GALNTL6: variants seen among roughly 807,000 people sequenced by gnomAD.
GALNTL6 encodes the protein polypeptide N-acetylgalactosaminyltransferase like 6, also known as polypeptide N-acetylgalactosaminyltransferase-like 6.
GALNTL6 carries 46 observed loss-of-function variants against 73.7 expected under a neutral mutation model. That is an observed-to-expected ratio of 0.62 (90% CI 0.49 to 0.80). The LOEUF (loss-of-function observed/expected upper bound fraction) is 0.80. Among genes scored for constraint, GALNTL6 ranks in the 30% least tolerant of loss-of-function variants. GALNTL6 has a pLI of 0.00. For synonymous variants in GALNTL6, 259 were observed against 263.7 expected (o/e 0.98, Z 0.17); for missense variants, 604 against 755.0 (o/e 0.80, Z 2.34).
At chr4:172,595,037 T>TGAG (rs1737799462) in intron 5 of GALNTL6, among the ~76,000 whole-genome samples, 2 of 152,290 alleles carry the variant, frequency 1.3e-5, no homozygotes, top group African/African-American at 4.8e-5. Context: ...TATCCTTACA[T>TGAG]GAGAAGAAGA....
At chr4:172,971,691 T>C (rs1265488537) in intron 10 of GALNTL6, among the ~76,000 whole-genome samples, 4 of 152,122 alleles carry the variant, frequency 2.6e-5, no homozygotes, top group Admixed American at 2.0e-4. Flanking sequence ...TAGGCATTAA[T>C]TTAAAAAGAG....
chr4:171,845,638 G>A (rs1405500289), intron 2 of GALNTL6, among the ~76,000 whole-genome samples: 2 of 152,046 alleles, frequency 1.3e-5, no homozygotes, highest in Non-Finnish European at 2.9e-5. Context: ...TTTCCCTTCA[G>A]CCAGTGGGAT....
intron 9 of GALNTL6, among the ~76,000 whole-genome samples, chr4:172,943,902 T>G (rs1579688125): frequency 6.6e-6 from 1 of 152,150 alleles, no homozygotes; most frequent in East Asian, 1.9e-4. Flanking sequence ...CATTATTTTT[T>G]CAACAATTGA....
intron 2 of GALNTL6, among the ~76,000 whole-genome samples, chr4:171,955,876 A>T (rs1474537214): frequency 6.6e-6 from 1 of 152,136 alleles, no homozygotes; most frequent in Non-Finnish European, 1.5e-5. Flanking sequence ...AAAGACATTG[A>T]AGCTTTTCCT....
At chr4:172,612,497 G>A (rs1189388166) in intron 5 of GALNTL6, among the ~76,000 whole-genome samples, 1 of 152,044 alleles carries the variant, frequency 6.6e-6, no homozygotes, top group African/African-American at 2.4e-5. Context: ...TTCTCCAGAT[G>A]TTTCCTCACA....
chr4:172,435,834 C>A (rs988370921), intron 5 of GALNTL6, among the ~76,000 whole-genome samples: 2 of 152,036 alleles, frequency 1.3e-5, no homozygotes, highest in African/African-American at 4.8e-5. Context: ...ATAGTATGAG[C>A]CTTTTTAAAC....
intron 5 of GALNTL6, among the ~76,000 whole-genome samples, chr4:172,807,559 GA>G (rs1741036099): frequency 6.6e-6 from 1 of 152,152 alleles, no homozygotes; most frequent in Admixed American, 6.6e-5. Context: ...CCACATTCTA[GA>G]AGGGAAAAAC....
At chr4:171,989,703 G>C (rs1463980491) in intron 2 of GALNTL6, among the ~76,000 whole-genome samples, 1 of 152,174 alleles carries the variant, frequency 6.6e-6, no homozygotes, top group Non-Finnish European at 1.5e-5. Flanking sequence ...TGTGGGGTTT[G>C]AGGTCTGGAA....
At chr4:172,441,857 C>A (rs187736679) in intron 5 of GALNTL6, among the ~76,000 whole-genome samples, 1 of 151,746 alleles carries the variant, frequency 6.6e-6, no homozygotes, top group East Asian at 1.9e-4. Context: ...CTAGGGAAGA[C>A]GTGGAAATGT....
Position 171,915,948 on chromosome 4 carries a change from A to G in GALNTL6, c.138+101230A>G, listed in dbSNP as rs142891433. On this transcript the variant is annotated intron_variant, in intron 2 of 12. Coordinates refer to ENST00000506823, the MANE Select transcript of GALNTL6 (RefSeq NM_001034845.3). ...ACTGATGAATAAAATAGTGAATTGT[A>G]GGGAGAAATACATATGCAAAGGAAA... Among the ~76,000 whole-genome samples the G allele has an allele frequency of 3.5e-4, 53 of 152,284 alleles. No individual in the cohort carries two copies. In the East Asian group the frequency reaches 8.5e-3, roughly 24 times the overall value.
At chr4:171,878,219 T>C (rs547434152) in intron 2 of GALNTL6, among the ~76,000 whole-genome samples, 81 of 152,340 alleles carry the variant, frequency 5.3e-4, no homozygotes, top group Non-Finnish European at 9.9e-4. Flanking sequence ...CAGGAAACTT[T>C]TGAGAGTGAA....
intron 5 of GALNTL6, among the ~76,000 whole-genome samples, chr4:172,750,242 T>C (rs911583962): frequency 6.6e-6 from 1 of 152,158 alleles, no homozygotes; most frequent in Non-Finnish European, 1.5e-5. Flanking sequence ...TTCAACAAAG[T>C]TTTACAGTGA....
chr4:172,763,012 A>T (rs1214655647), intron 5 of GALNTL6, among the ~76,000 whole-genome samples: 1 of 143,740 alleles, frequency 7.0e-6, no homozygotes, highest in Admixed American at 6.9e-5. Context: ...GACAAAAAAA[A>T]AAATGAATTA....
chr4:171,935,647 T>G (rs1391800516), intron 2 of GALNTL6, among the ~76,000 whole-genome samples: 1 of 152,156 alleles, frequency 6.6e-6, no homozygotes, highest in East Asian at 1.9e-4. Context: ...TTTTTTAAAT[T>G]ATTTGTAGAG....
rs76758946 is a variant in GALNTL6 at position 172,931,555 on chromosome 4, C to T, written c.1149+287C>T. Among the ~76,000 whole-genome samples the T allele has an allele frequency of 5.5e-4, 84 of 152,264 alleles. 1 individual carries two copies. The East Asian group carries it at 0.015, about 27-fold the overall frequency. On this transcript the variant is annotated intron_variant, in intron 9 of 12. Transcript: ENST00000506823. ...TGTAGATGGGAAAATGAAGTCTGAA[C>T]TAGGTGCTTGTTCATGCTCACATGA... is the stretch of plus-strand genomic sequence containing the variant.
intron 2 of GALNTL6, among the ~76,000 whole-genome samples, chr4:172,094,503 A>G (rs1732294705): frequency 6.6e-6 from 1 of 152,134 alleles, no homozygotes; most frequent in Admixed American, 6.5e-5. Flanking sequence ...AGAACAAAGT[A>G]CTTAGTGATA....
At chr4:172,625,411 TACC>T (rs2111081210) in intron 5 of GALNTL6, among the ~76,000 whole-genome samples, 1 of 152,216 alleles carries the variant, frequency 6.6e-6, no homozygotes, top group East Asian at 1.9e-4. Context: ...GCTGTGTATG[TACC>T]ACATTTTCTT....
At chr4:172,165,863 T>A (rs1256918278) in intron 2 of GALNTL6, among the ~76,000 whole-genome samples, 1 of 152,104 alleles carries the variant, frequency 6.6e-6, no homozygotes. Flanking sequence ...ATAGGAGTGA[T>A]CAGTGTGTTA....
chr4:173,037,261 A>G (rs1163936536), intron 12 of GALNTL6, among the ~76,000 whole-genome samples: 1 of 152,202 alleles, frequency 6.6e-6, no homozygotes, highest in Non-Finnish European at 1.5e-5. Context: ...CTCTGTCACT[A>G]GTGACCTTTG....
Sources: allele counts gnomAD v4.1 joint callset (sites outside exome capture counted in the v4.1 genomes callset), GRCh38; gene constraint gnomAD v4.1.1; transcripts MANE v1.5; gene names NCBI Gene and HGNC (gene_info 2026-07-23, HGNC 2026-07-21).